Variants in DOCK1 observed in about 807,000 individuals in gnomAD.
DOCK1 encodes the protein dedicator of cytokinesis protein 1.
A neutral mutation model predicts 262.7 loss-of-function variants in DOCK1; 138 were observed. That is an observed-to-expected ratio of 0.53 (90% CI 0.46 to 0.61). The LOEUF is 0.61. Among genes scored for constraint, DOCK1 ranks in the 20% least tolerant of loss-of-function variants. The pLI, the probability that DOCK1 is intolerant of heterozygous loss-of-function variation, is 0.00. For synonymous variants in DOCK1, 866 were observed against 867.4 expected (o/e 1.00, Z 0.03); for missense variants, 1,908 against 2,370.7 (o/e 0.80, Z 4.05).
chr10:127,423,596 A>G (rs1366289809), intron 46 of DOCK1, among the ~76,000 whole-genome samples: 1 of 152,186 alleles, frequency 6.6e-6, no homozygotes, highest in African/African-American at 2.4e-5. Context: ...ATCCAAAGAC[A>G]AATCCATACA....
intron 15 of DOCK1, chr10:127,025,000 A>T: frequency 2.3e-6 from 1 of 426,870 alleles, no homozygotes. Flanking sequence ...TAGGACGTTC[A>T]TGGAGACAAA....
intron 16 of DOCK1, among the ~76,000 whole-genome samples, chr10:127,029,881 C>G (rs2043122020): frequency 6.6e-6 from 1 of 152,104 alleles, no homozygotes. Context: ...GCCGTTGTTT[C>G]CAAGTCCACC....
intron 29 of DOCK1, among the ~76,000 whole-genome samples, chr10:127,261,669 G>C (rs2060131788): frequency 7.1e-6 from 1 of 140,142 alleles, no homozygotes; most frequent in African/African-American, 2.8e-5. Context: ...GGGTGTGTGT[G>C]TACCTGCATG....
At chr10:127,332,609 G>T (rs1375781073) in intron 29 of DOCK1, among the ~76,000 whole-genome samples, 5 of 152,130 alleles carry the variant, frequency 3.3e-5, no homozygotes, top group Non-Finnish European at 7.4e-5. Context: ...ACTTTCTAGT[G>T]ACATTGGTCT....
intron 17 of DOCK1, 96 bp from the exon 18 acceptor site, chr10:127,032,041 C>T (rs553034760): frequency 1.4e-5 from 20 of 1,405,836 alleles, no homozygotes; most frequent in African/African-American, 7.2e-5. Context: ...AAAGCAATTA[C>T]GATGGTTACA....
chr10:127,325,190 T>C (rs2062701869), intron 29 of DOCK1, among the ~76,000 whole-genome samples: 2 of 152,240 alleles, frequency 1.3e-5, no homozygotes, highest in African/African-American at 4.8e-5. Context: ...CTGTGGTTTC[T>C]GCTTTTGATC....
intron 27 of DOCK1, among the ~76,000 whole-genome samples, chr10:127,129,640 T>C (rs1592137056): frequency 6.6e-6 from 1 of 152,180 alleles, no homozygotes; most frequent in South Asian, 2.1e-4. Flanking sequence ...CGTTCCTGTC[T>C]TCTTGGAGTC....
chr10:127,091,226 G>T (rs1208034209), intron 23 of DOCK1, among the ~76,000 whole-genome samples: 4 of 152,024 alleles, frequency 2.6e-5, no homozygotes, highest in African/African-American at 2.4e-5. Context: ...CTCGCGATCC[G>T]CCCGACTTGG....
At position 127,032,228 on chromosome 10, in the gene DOCK1, G is replaced by T; in HGVS notation, c.1820G>T (p.Gly607Val). The change falls in exon 18 of 52, where the codon GGC (glycine) becomes GTC (valine). Residue 607 changes from glycine (G) to valine (V), a missense_variant. Gly to Val is a moderately radical substitution (Grantham distance 109). Transcript: ENST00000623213. ...GAAGAAAAGGGCCACTCGGCCACCG[G>T]CAAGAGCATGCAGAGCCTTGGGAGC... ...ELEEKGHSAT[G>V]KSMQSLGSCT... 1 of 1,600,712 alleles carries T rather than the reference G, an allele frequency of 6.2e-7. No individual in the cohort carries two copies. Among genetic ancestry groups the T allele is most frequent in the Admixed American group, 1.7e-5 (1 of 58,116 alleles).
At chr10:127,149,043 G>T (rs558162115) in intron 27 of DOCK1, among the ~76,000 whole-genome samples, 1 of 152,214 alleles carries the variant, frequency 6.6e-6, no homozygotes, top group African/African-American at 2.4e-5. Context: ...TCAGCTCTGA[G>T]TCAATAGATT....
At chr10:127,258,637 C>T (rs1414567027) in intron 29 of DOCK1, among the ~76,000 whole-genome samples, 2 of 152,164 alleles carry the variant, frequency 1.3e-5, no homozygotes, top group African/African-American at 2.4e-5. Flanking sequence ...AACATGAGTT[C>T]GGTTCTGTGG....
At chr10:127,362,630 T>C (rs2064528915) in intron 33 of DOCK1, among the ~76,000 whole-genome samples, 1 of 152,196 alleles carries the variant, frequency 6.6e-6, no homozygotes, top group Non-Finnish European at 1.5e-5. Flanking sequence ...TAAGTGTGTG[T>C]CTTGTTCTTT....
At chr10:126,920,016 C>T (rs1188179016) in intron 1 of DOCK1, among the ~76,000 whole-genome samples, 1 of 152,156 alleles carries the variant, frequency 6.6e-6, no homozygotes, top group Non-Finnish European at 1.5e-5. Context: ...CTCGAGAATG[C>T]AGTGGGTGAC....
chr10:127,353,766 C>G (rs537502418), intron 31 of DOCK1, among the ~76,000 whole-genome samples: 99 of 152,346 alleles, frequency 6.5e-4, no homozygotes, highest in African/African-American at 2.3e-3. Flanking sequence ...CCACTCATGC[C>G]GTGAGTGACA....
At chr10:127,259,431 C>T (rs1467841260) in intron 29 of DOCK1, among the ~76,000 whole-genome samples, 1 of 152,166 alleles carries the variant, frequency 6.6e-6, no homozygotes, top group South Asian at 2.1e-4. Context: ...ATAGTGAAAA[C>T]AAGCAAACAC....
chr10:127,283,696 ACTCCAGCATTTTC>A (rs2061046217), intron 29 of DOCK1, among the ~76,000 whole-genome samples: 1 of 152,124 alleles, frequency 6.6e-6, no homozygotes, highest in Non-Finnish European at 1.5e-5. Flanking sequence ...TTTCCATGTT[ACTCCAGCATTTTC>A]ATTGCCAACT....
At chr10:127,424,129 ATCT>A (rs1052555325) in intron 46 of DOCK1, among the ~76,000 whole-genome samples, 70 of 152,278 alleles carry the variant, frequency 4.6e-4, no homozygotes, top group African/African-American at 1.7e-3. Flanking sequence ...GCATCCTCTT[ATCT>A]TCTTTCATTT....
At chr10:127,004,793 GA>G (rs2040888312) in intron 10 of DOCK1, among the ~76,000 whole-genome samples, 1 of 90,124 alleles carries the variant, frequency 1.1e-5, no homozygotes, top group Non-Finnish European at 2.0e-5. Context: ...CCAAAAAAAA[GA>G]AAAAAGTCTT....
At chr10:127,349,013 T>A (rs1188677417) in intron 31 of DOCK1, among the ~76,000 whole-genome samples, 1 of 152,182 alleles carries the variant, frequency 6.6e-6, no homozygotes, top group Admixed American at 6.5e-5. Context: ...AGTGGTGACC[T>A]GTGCCAACTT....
Sources: allele counts gnomAD v4.1 joint callset (sites outside exome capture counted in the v4.1 genomes callset), GRCh38; gene constraint gnomAD v4.1.1; transcripts MANE v1.5; gene names NCBI Gene and HGNC (gene_info 2026-07-23, HGNC 2026-07-21).